The following EYS variants were observed in gnomAD, a reference collection of about 807,000 sequenced individuals.
The protein encoded by EYS is EGF-like photoreceptor maintenance factor, also known as protein eyes shut homolog.
Under a neutral mutation model 282.1 loss-of-function variants are expected in EYS, and 250 were observed. The ratio of observed to expected loss-of-function variants is 0.89; its 90% CI spans 0.80 to 0.98. EYS has a LOEUF of 0.98. Among genes scored for constraint, EYS ranks in the 50% least tolerant of loss-of-function variants. EYS has a pLI of 0.00. For missense variants in EYS, 4,016 were observed against 3,709.0 expected (o/e 1.08, Z -2.15); for synonymous variants, 1,355 against 1,282.9 (o/e 1.06, Z -1.20).
At chr6:64,022,272 T>C (rs542566008) in intron 33 of EYS, among the ~76,000 whole-genome samples, 2 of 152,310 alleles carry the variant, frequency 1.3e-5, no homozygotes, top group East Asian at 3.9e-4. Flanking sequence ...ATTCTTTTCA[T>C]CAAAACCTGA....
At chr6:64,611,796 A>G (rs604490) in intron 24 of EYS, among the ~76,000 whole-genome samples, 123,066 of 152,088 alleles carry the variant, frequency 0.81, 50,457 homozygotes, top group African/African-American at 0.95. Context: ...AGTATCCAAA[A>G]GATGTGTTTT....
chr6:64,122,380 T>C (rs1202356713), intron 31 of EYS, among the ~76,000 whole-genome samples: 2 of 152,142 alleles, frequency 1.3e-5, no homozygotes, highest in African/African-American at 4.8e-5. Flanking sequence ...AGATATACTT[T>C]CTAGCCCCAG....
chr6:64,041,188 A>T (rs1463934485), intron 33 of EYS, among the ~76,000 whole-genome samples: 1 of 152,078 alleles, frequency 6.6e-6, no homozygotes, highest in Non-Finnish European at 1.5e-5. Flanking sequence ...AGAAAGGATC[A>T]TATGGACCCC....
At chr6:65,064,120 A>G (rs1773659379) in intron 12 of EYS, among the ~76,000 whole-genome samples, 1 of 145,568 alleles carries the variant, frequency 6.9e-6, no homozygotes, top group African/African-American at 2.5e-5. Context: ...TATATAGTAT[A>G]TTATATATTG....
intron 2 of EYS, among the ~76,000 whole-genome samples, chr6:65,605,280 T>G (rs1443799486): frequency 2.0e-5 from 3 of 151,722 alleles, no homozygotes; most frequent in African/African-American, 7.3e-5. Flanking sequence ...AAATTTAAAA[T>G]AAACACACAA....
chr6:64,345,433 A>C (rs1378520501), intron 29 of EYS, among the ~76,000 whole-genome samples: 1 of 152,172 alleles, frequency 6.6e-6, no homozygotes, highest in East Asian at 1.9e-4. Context: ...CAAACCTCAC[A>C]AAAACAAGCA....
chr6:64,085,320 G>A (rs758754020), intron 31 of EYS, among the ~76,000 whole-genome samples: 7 of 132,200 alleles, frequency 5.3e-5, no homozygotes, highest in Non-Finnish European at 1.1e-4. Flanking sequence ...CCAGACGCGC[G>A]CGCGTGCGCA....
chr6:64,509,628 G>A (rs73455420), intron 26 of EYS, among the ~76,000 whole-genome samples: 2,192 of 152,210 alleles, frequency 0.014, 58 homozygotes, highest in African/African-American at 0.05. Flanking sequence ...ATGGTTTGGT[G>A]TGCGGTAATT....
intron 2 of EYS, among the ~76,000 whole-genome samples, chr6:65,506,640 A>C (rs934920823): frequency 5.4e-5 from 7 of 130,204 alleles, no homozygotes; most frequent in Non-Finnish European, 7.8e-5. Flanking sequence ...ACCAGACCAG[A>C]CTATGAATTT....
At chr6:64,271,885 G>A (rs1364451801) in intron 30 of EYS, among the ~76,000 whole-genome samples, 3 of 151,752 alleles carry the variant, frequency 2.0e-5, no homozygotes, top group East Asian at 3.9e-4. Context: ...CAACTCCCAC[G>A]CTGGAGTGCA....
chr6:64,380,525 A>G (rs932601518), intron 29 of EYS, among the ~76,000 whole-genome samples: 9 of 152,188 alleles, frequency 5.9e-5, no homozygotes, highest in African/African-American at 2.2e-4. Context: ...ACTTAGATAC[A>G]ATTTCCTCAT....
chr6:63,959,528 A>C (rs1209150038), intron 35 of EYS, among the ~76,000 whole-genome samples: 1 of 152,136 alleles, frequency 6.6e-6, no homozygotes, highest in Non-Finnish European at 1.5e-5. Flanking sequence ...ACCCAAAGGA[A>C]TACAAATTAT....
At chr6:65,233,702 A>G (rs1766848903) in intron 12 of EYS, among the ~76,000 whole-genome samples, 1 of 152,186 alleles carries the variant, frequency 6.6e-6, no homozygotes, top group Non-Finnish European at 1.5e-5. Flanking sequence ...ACAGTCTTCC[A>G]GAAAGCTGAG....
chr6:64,159,115 G>A (rs1207970618), intron 31 of EYS, among the ~76,000 whole-genome samples: 1 of 152,094 alleles, frequency 6.6e-6, no homozygotes, highest in African/African-American at 2.4e-5. Flanking sequence ...GGATGTTCAA[G>A]TCCCTGATAT....
intron 2 of EYS, among the ~76,000 whole-genome samples, chr6:65,507,278 G>T (rs999884212): frequency 1.3e-5 from 2 of 152,002 alleles, no homozygotes; most frequent in African/African-American, 4.8e-5. Context: ...GATAAGAGGT[G>T]GGCTGTAATT....
At chr6:65,586,091 C>G (rs1189250528) in intron 2 of EYS, among the ~76,000 whole-genome samples, 1 of 151,876 alleles carries the variant, frequency 6.6e-6, no homozygotes, top group Non-Finnish European at 1.5e-5. Context: ...TCTACAGTTT[C>G]TTTATGGTTT....
At chr6:63,750,769 G>A (rs755554624) in intron 41 of EYS, among the ~76,000 whole-genome samples, 17 of 152,170 alleles carry the variant, frequency 1.1e-4, no homozygotes, top group African/African-American at 1.4e-4. Context: ...CTGGAATTCC[G>A]TCTTTGTCTT....
At chr6:63,757,631 C>T (rs927585139) in intron 41 of EYS, among the ~76,000 whole-genome samples, 1 of 152,052 alleles carries the variant, frequency 6.6e-6, no homozygotes, top group Non-Finnish European at 1.5e-5. Flanking sequence ...ACACACCTAC[C>T]AATATGTGAT....
At chr6:65,697,089 T>TTG (rs546375797) in intron 1 of EYS, among the ~76,000 whole-genome samples, 100 of 151,786 alleles carry the variant, frequency 6.6e-4, no homozygotes, top group South Asian at 1.7e-3. Context: ...TTTTGTGTGT[T>TTG]TGTGTGTGTG....
Sources: allele counts gnomAD v4.1 joint callset (sites outside exome capture counted in the v4.1 genomes callset), GRCh38; gene constraint gnomAD v4.1.1; transcripts MANE v1.5; gene names NCBI Gene and HGNC (gene_info 2026-07-23, HGNC 2026-07-21).